Variants in MYO16 observed in about 807,000 individuals in gnomAD.
MYO16 encodes the protein unconventional myosin-XVI.
Under a neutral mutation model 205.3 loss-of-function variants are expected in MYO16, and 94 were observed. The observed-to-expected ratio is 0.46, with a 90% CI of 0.39 to 0.54. MYO16 has a LOEUF of 0.54. MYO16 is among the 20% of genes least tolerant of loss of function. The probability of loss-of-function intolerance (pLI) is 0.00; values close to 1 mark genes in which losing one functional copy is unlikely to be tolerated. For missense variants in MYO16, 2,315 were observed against 2,387.5 expected, an observed-to-expected ratio of 0.97 and a Z score of 0.63; for synonymous variants, 988 against 954.0, an observed-to-expected ratio of 1.04 and a Z score of -0.66.
the MYO16 span, among the ~76,000 whole-genome samples, chr13:108,540,226 T>C: frequency 1.3e-5 from 2 of 152,158 alleles, no homozygotes; most frequent in Non-Finnish European, 2.9e-5. Context: ...CATATATGCA[T>C]ATTCATGCCA....
At chr13:108,529,918 G>T in the MYO16 span, among the ~76,000 whole-genome samples, 1 of 152,188 alleles carries the variant, frequency 6.6e-6, no homozygotes, top group Non-Finnish European at 1.5e-5. Flanking sequence ...CAGGGGCAGA[G>T]TGGGGGATTT....
intron 20 of MYO16, among the ~76,000 whole-genome samples, chr13:108,972,427 T>C (rs1473719417): frequency 2.7e-5 from 3 of 109,546 alleles, no homozygotes; most frequent in Non-Finnish European, 3.7e-5. Flanking sequence ...TCTTAGTTTA[T>C]ATTAGCTTAT....
At chr13:108,770,784 G>T (rs1885935647) in intron 4 of MYO16, among the ~76,000 whole-genome samples, 1 of 152,156 alleles carries the variant, frequency 6.6e-6, no homozygotes, top group Non-Finnish European at 1.5e-5. Context: ...CCAACATAAA[G>T]AACTTTTCTC....
At chr13:108,871,660 A>C (rs539533334) in intron 12 of MYO16, among the ~76,000 whole-genome samples, 1 of 152,026 alleles carries the variant, frequency 6.6e-6, no homozygotes, top group South Asian at 2.1e-4. Flanking sequence ...CTGAACCCTG[A>C]ACTTGGATTT....
At chr13:108,888,127 C>T (rs1879989023) in intron 13 of MYO16, among the ~76,000 whole-genome samples, 1 of 152,086 alleles carries the variant, frequency 6.6e-6, no homozygotes, top group Admixed American at 6.5e-5. Context: ...TCTGAAACAC[C>T]ATCAGGGACA....
At chr13:108,629,480 G>A (rs944801801), upstream of MYO16, 6 of 200,578 alleles carry the variant, frequency 3.0e-5, no homozygotes, top group African/African-American at 9.2e-5. Context: ...AGGCAGGACC[G>A]GGAGAGCCGC....
At position 109,147,120 on chromosome 13, in the gene MYO16, T is replaced by A. The variant is rs550889473; in HGVS notation, c.5164+5744T>A. The stretch of plus-strand genomic sequence containing the variant: ...CTTGGGCTAGCATTCCACCAAGCAA[T>A]GTGACTCTGCAAATTTCTCCAAGGG... On this transcript the variant is annotated intron_variant, in intron 32 of 34. Coordinates refer to ENST00000457511, the MANE Select transcript of MYO16 (RefSeq NM_001198950.3). Among the ~76,000 whole-genome samples the A allele has an allele frequency of 4.9e-4, 75 of 151,974 alleles. 1 individual carries two copies. In the Middle Eastern group the frequency reaches 0.014, roughly 28 times the overall value.
At chr13:109,181,451 T>C (rs940634081) in intron 34 of MYO16, among the ~76,000 whole-genome samples, 1 of 152,256 alleles carries the variant, frequency 6.6e-6, no homozygotes, top group East Asian at 1.9e-4. Context: ...TTAGCTTTTC[T>C]ACTAATGCAA....
intron 32 of MYO16, among the ~76,000 whole-genome samples, chr13:109,158,119 T>A (rs961305190): frequency 3.3e-5 from 5 of 152,154 alleles, no homozygotes; most frequent in African/African-American, 1.2e-4. Flanking sequence ...TCAGCTCTCA[T>A]GTTCCCCAGA....
At chr13:108,597,617 C>T (rs544696606) in intron 1 of MYO16, among the ~76,000 whole-genome samples, 1 of 152,142 alleles carries the variant, frequency 6.6e-6, no homozygotes, top group Non-Finnish European at 1.5e-5. Flanking sequence ...GACAGTATTT[C>T]TCAACTCATT....
intron 20 of MYO16, among the ~76,000 whole-genome samples, chr13:108,972,083 C>G (rs971697676): frequency 6.7e-6 from 1 of 148,532 alleles, no homozygotes; most frequent in Non-Finnish European, 1.5e-5. Context: ...TGGTACATAC[C>G]TGTGGTCCCA....
At chr13:108,950,001 AT>A (rs1217178548) in intron 16 of MYO16, among the ~76,000 whole-genome samples, 2 of 151,558 alleles carry the variant, frequency 1.3e-5, no homozygotes, top group Non-Finnish European at 2.9e-5. Flanking sequence ...AAAAAAAAAA[AT>A]AGTAAAGCAA....
chr13:108,738,005 G>A (rs1884766093), intron 4 of MYO16, among the ~76,000 whole-genome samples: 1 of 152,072 alleles, frequency 6.6e-6, no homozygotes, highest in South Asian at 2.1e-4. Context: ...TTTTTATTGT[G>A]TCTATTTGAT....
At chr13:108,872,263 C>G (rs1879106284) in intron 12 of MYO16, among the ~76,000 whole-genome samples, 1 of 152,016 alleles carries the variant, frequency 6.6e-6, no homozygotes, top group African/African-American at 2.4e-5. Flanking sequence ...TAAAAAATGA[C>G]TCTTATTTGG....
At chr13:109,001,915 T>C (rs2139461984) in intron 21 of MYO16, among the ~76,000 whole-genome samples, 1 of 15,524 alleles carries the variant, frequency 6.4e-5, no homozygotes, top group South Asian at 7.6e-3. Flanking sequence ...CTAACACTAT[T>C]CCTTCTCTCT....
At chr13:108,737,237 T>C (rs542580537) in intron 4 of MYO16, among the ~76,000 whole-genome samples, 121 of 152,232 alleles carry the variant, frequency 7.9e-4, no homozygotes, top group African/African-American at 2.7e-3. Context: ...GGAATGCTTC[T>C]AGTTTTTGCC....
At chr13:108,651,125 A>G (rs184372438) in intron 1 of MYO16, among the ~76,000 whole-genome samples, 47 of 152,276 alleles carry the variant, frequency 3.1e-4, no homozygotes, top group Non-Finnish European at 5.6e-4. Context: ...TCAAATCAGC[A>G]GGCTCTCCAG....
At chr13:108,839,982 T>C (rs1203453701) in intron 9 of MYO16, among the ~76,000 whole-genome samples, 1 of 152,226 alleles carries the variant, frequency 6.6e-6, no homozygotes, top group Non-Finnish European at 1.5e-5. Flanking sequence ...ATGATGCTAA[T>C]CTCTTTATGT....
In MYO16 at chr13:108,826,345, G is replaced by A. The variant is rs530960541; in HGVS notation, c.1097+3067G>A. Among the ~76,000 whole-genome samples, 29 of 152,200 alleles carry A rather than the reference G, an allele frequency of 1.9e-4. 1 individual carries two copies. The highest frequency in any genetic ancestry group is 6.5e-4 in the African/African-American group (27 of 41,546). ...AAAGAATAGCCTTTTACAATAAACA[G>A]TACTGAGACAACTGGATATTCACAT... is the stretch of plus-strand genomic sequence containing the variant. On this transcript the variant is annotated intron_variant, in intron 9 of 34. Transcript: ENST00000457511.
Sources: allele counts gnomAD v4.1 joint callset (sites outside exome capture counted in the v4.1 genomes callset), GRCh38; gene constraint gnomAD v4.1.1; transcripts MANE v1.5; gene names NCBI Gene and HGNC (gene_info 2026-07-23, HGNC 2026-07-21).